The following CRTAC1 variants were observed in gnomAD, a reference collection of about 807,000 sequenced individuals.
The protein encoded by CRTAC1 is acidic secreted protein in cartilage.
In CRTAC1, 37 loss-of-function variants were observed where a neutral mutation model predicts 67.8. The observed-to-expected ratio is 0.55, with a 90% confidence interval of 0.42 to 0.72. The LOEUF (loss-of-function observed/expected upper bound fraction) is 0.72, where lower values mean the gene tolerates loss of function less well. Among genes scored for constraint, CRTAC1 ranks in the 30% least tolerant of loss-of-function variants. The pLI, the probability that CRTAC1 is intolerant of heterozygous loss-of-function variation, is 0.00. For synonymous variants in CRTAC1, 348 were observed against 371.0 expected (o/e 0.94, Z 0.71); for missense variants, 780 against 931.6 (o/e 0.84, Z 2.12).
At chr10:98,001,737 T>C (rs1483924911) in intron 2 of CRTAC1, among the ~76,000 whole-genome samples, 1 of 152,190 alleles carries the variant, frequency 6.6e-6, no homozygotes, top group Non-Finnish European at 1.5e-5. Flanking sequence ...GAAGTGGGAA[T>C]GTTCGTTTTT....
intron 9 of CRTAC1, 67 bp downstream of exon 9, chr10:97,896,842 C>T: frequency 1.3e-6 from 1 of 768,514 alleles, no homozygotes; most frequent in South Asian, 1.8e-5. Context: ...GTCCCTCCCG[C>T]CCTCACCCCA....
At position 97,884,289 on chromosome 10, in the gene CRTAC1, C is replaced by A; in HGVS notation, c.1549G>T (p.Val517Leu). 6.4e-7 allele frequency: 1 copy of A among 1,555,386 alleles called. No homozygotes were observed. Among genetic ancestry groups the A allele is most frequent in the East Asian group, 2.4e-5 (1 of 41,284 alleles). Residue 517 changes from valine (V) to leucine (L), a missense_variant, in exon 12 of 15, where the codon GTG becomes TTG. By Grantham distance (32) the Val-to-Leu change is conservative. Coordinates refer to ENST00000370597, the MANE Select transcript of CRTAC1 (RefSeq NM_018058.7). ...ACTGAGTTCATCTCCCCGCTGGCCA[C>A]GTTCCGGCTCACCATCTTGCCATCT... ...WPDGKMVSRN[V>L]ASGEMNSVLE...
chr10:98,029,488 A>AGCGGCGGCGGCGGCG lies in CRTAC1; in HGVS notation c.24+960_24+961insCGCCGCCGCCGCCGC, dbSNP rs796585183. On this transcript the variant is annotated intron_variant, in intron 1 of 14. Transcript: ENST00000370597. The surrounding 1 kb of genome is among the most constrained non-coding windows in gnomAD (Gnocchi z 4.7). Reference sequence around the variant, plus strand: ...CACACTGGGTGCACCCACCAGCAGCAGCAGCGGCGGCGGCGGCGGCGGCGG... The same window carrying AGCGGCGGCGGCGGCG: ...CACACTGGGTGCACCCACCAGCAGCAGCGGCGGCGGCGGCGGCAGCGGCGGCGGCGGCGGCGGCGG... Among the ~76,000 whole-genome samples, 51 of 122,834 alleles carry AGCGGCGGCGGCGGCG rather than the reference A, an allele frequency of 4.2e-4. No homozygotes were observed. The highest frequency in any genetic ancestry group is 2.6e-3 in the South Asian group (11 of 4,190). The allele number at this position is 122,834 out of a possible 152,430, so 80.6% of individuals were successfully genotyped here.
chr10:97,985,918 GC>G (rs1216581569), intron 2 of CRTAC1, among the ~76,000 whole-genome samples: 3 of 152,234 alleles, frequency 2.0e-5, no homozygotes, highest in African/African-American at 7.2e-5. Flanking sequence ...AGTGTCCCTG[GC>G]CAGCAAGGGA....
chr10:97,997,682 T>TAAGC (rs1842610280), intron 2 of CRTAC1, among the ~76,000 whole-genome samples: 1 of 152,154 alleles, frequency 6.6e-6, no homozygotes, highest in Non-Finnish European at 1.5e-5. Flanking sequence ...CAAAAGTGGA[T>TAAGC]AAGCAGTAAG....
chr10:97,938,381 A>G (rs2051122377), intron 2 of CRTAC1, among the ~76,000 whole-genome samples: 1 of 152,170 alleles, frequency 6.6e-6, no homozygotes, highest in Non-Finnish European at 1.5e-5. Flanking sequence ...GTATTTGTGG[A>G]GTGCTTGGCC....
At chr10:97,912,245 C>T (rs545306509) in intron 5 of CRTAC1, among the ~76,000 whole-genome samples, 1 of 152,294 alleles carries the variant, frequency 6.6e-6, no homozygotes, top group Admixed American at 6.5e-5. Flanking sequence ...AATAATATCC[C>T]TTTATTTTTT....
At chr10:97,865,822 GTGGGAGGGAGGGT>G in intron 14 of CRTAC1, 108 bp from the exon 15 acceptor site, 2 of 1,154,540 alleles carry the variant, frequency 1.7e-6, no homozygotes, top group Non-Finnish European at 1.2e-6. Flanking sequence ...GCTGCCCGGG[GTGGGAGGGAGGGT>G]GACGGGCCTC....
intron 1 of CRTAC1, among the ~76,000 whole-genome samples, chr10:98,018,233 G>A (rs867316735): frequency 0.012 from 922 of 74,600 alleles, 3 homozygotes; most frequent in African/African-American, 0.032. Flanking sequence ...AAAAAAAAAA[G>A]AGAGAGAGAG....
At chr10:97,930,038 G>A (rs908826492) in intron 3 of CRTAC1, among the ~76,000 whole-genome samples, 2 of 152,132 alleles carry the variant, frequency 1.3e-5, no homozygotes, top group African/African-American at 4.8e-5. Flanking sequence ...AGGGAAACCC[G>A]ATCAGCTCCC....
At chr10:97,913,487 G>A (rs1301636775) in intron 5 of CRTAC1, among the ~76,000 whole-genome samples, 3 of 152,198 alleles carry the variant, frequency 2.0e-5, no homozygotes, top group Non-Finnish European at 2.9e-5. Flanking sequence ...ATAACCCAGA[G>A]AGGCTAGCCA....
intron 6 of CRTAC1, among the ~76,000 whole-genome samples, chr10:97,907,082 G>T (rs916442985): frequency 6.6e-6 from 1 of 152,190 alleles, no homozygotes; most frequent in African/African-American, 2.4e-5. Context: ...CCGAAAACTC[G>T]CAGGAAGTGT....
At chr10:97,929,008 A>G (rs1337649725) in intron 3 of CRTAC1, among the ~76,000 whole-genome samples, 1 of 152,000 alleles carries the variant, frequency 6.6e-6, no homozygotes. Context: ...AGTGGCCACT[A>G]TTTTAGGAGC....
At chr10:97,899,190 G>A (rs2050500151) in intron 8 of CRTAC1, among the ~76,000 whole-genome samples, 1 of 152,194 alleles carries the variant, frequency 6.6e-6, no homozygotes, top group Non-Finnish European at 1.5e-5. Flanking sequence ...AGCCCCTCTC[G>A]CTGTCCTCTC....
At chr10:97,926,473 C>G (rs918234945) in intron 3 of CRTAC1, among the ~76,000 whole-genome samples, 4 of 152,102 alleles carry the variant, frequency 2.6e-5, no homozygotes, top group Non-Finnish European at 4.4e-5. Context: ...TCCTGGGAGT[C>G]AAATGTGTTC....
At chr10:97,876,619 T>C (rs2050150692) in intron 14 of CRTAC1, among the ~76,000 whole-genome samples, 1 of 152,142 alleles carries the variant, frequency 6.6e-6, no homozygotes, top group Non-Finnish European at 1.5e-5. Context: ...TTTCATTACT[T>C]GACTGCCCCT....
intron 2 of CRTAC1, among the ~76,000 whole-genome samples, chr10:97,957,353 C>T (rs564309417): frequency 3.3e-5 from 5 of 152,076 alleles, no homozygotes; most frequent in South Asian, 2.1e-4. Flanking sequence ...GGAGGTGGGC[C>T]GGGGACAGCA....
In CRTAC1 at chr10:97,881,402, C is replaced by A. The variant is rs144125335; in HGVS notation, c.1676-1010G>T. ...CCCCCCGAGGCCCTCCCTGACCACTCTCTCTGGAACAGTCTCCAGGGAGCA... is the reference window on the plus strand; with the variant it reads ...CCCCCCGAGGCCCTCCCTGACCACTATCTCTGGAACAGTCTCCAGGGAGCA... On this transcript the variant is annotated intron_variant, in intron 13 of 14. Transcript: ENST00000370597. Among the ~76,000 whole-genome samples the A allele has an allele frequency of 1.2e-3, 179 of 152,330 alleles. 1 individual carries two copies. The highest frequency in any genetic ancestry group is 4.2e-3 in the African/African-American group (173 of 41,580).
intron 2 of CRTAC1, among the ~76,000 whole-genome samples, chr10:98,005,090 A>ATT (rs1842757468): frequency 3.2e-5 from 1 of 31,334 alleles, no homozygotes. Flanking sequence ...ACATATATAT[A>ATT]TATATATATA....
Sources: allele counts gnomAD v4.1 joint callset (sites outside exome capture counted in the v4.1 genomes callset), GRCh38; gene constraint gnomAD v4.1.1; non-coding constraint Gnocchi (gnomAD v3.1); transcripts MANE v1.5; gene names NCBI Gene and HGNC (gene_info 2026-07-23, HGNC 2026-07-21).